The following ANK3 variants were observed in gnomAD, a reference collection of about 807,000 sequenced individuals.
The protein encoded by ANK3 is ankyrin-3.
In ANK3, 57 loss-of-function variants were observed where a neutral mutation model predicts 370.9. The observed-to-expected ratio is 0.15, with a 90% confidence interval of 0.12 to 0.19. The LOEUF is 0.19. Among genes scored for constraint, ANK3 ranks in the 10% least tolerant of loss-of-function variants. The pLI is 1.00. For synonymous variants in ANK3, 1,929 were observed against 1,946.3 expected (o/e 0.99, Z 0.23); for missense variants, 4,439 against 5,302.1 (o/e 0.84, Z 5.06).
intron 8 of ANK3, among the ~76,000 whole-genome samples, chr10:60,230,175 T>C (rs1261549393): frequency 6.6e-6 from 1 of 152,196 alleles, no homozygotes; most frequent in Non-Finnish European, 1.5e-5. Context: ...AGTCTCTGAT[T>C]GGTCTGTGAA....
At chr10:60,182,702 G>C (rs1023193309) in intron 17 of ANK3, among the ~76,000 whole-genome samples, 3 of 152,116 alleles carry the variant, frequency 2.0e-5, no homozygotes, top group African/African-American at 7.2e-5. Context: ...TTTATTCAGG[G>C]GTTGCTATTC....
intron 2 of ANK3, among the ~76,000 whole-genome samples, chr10:60,395,209 C>T (rs896693687): frequency 7.2e-5 from 11 of 152,144 alleles, no homozygotes; most frequent in South Asian, 2.1e-4. Flanking sequence ...CAAATTGAGA[C>T]GTAAAATACA....
intron 23 of ANK3, among the ~76,000 whole-genome samples, chr10:60,154,532 G>A (rs1227212221): frequency 6.6e-6 from 1 of 152,094 alleles, no homozygotes; most frequent in African/African-American, 2.4e-5. Flanking sequence ...GGTGCCTCAC[G>A]CCTGTAATCC....
In ANK3 at chr10:60,730,646, C is replaced by T. The variant is rs116536148; in HGVS notation, c.57+2617G>A. ...AATAAAAAATTGCAATTAAATGGCCCTATTGTTCCAAGTACCTTAACATTA... is the reference window on the plus strand; with the variant it reads ...AATAAAAAATTGCAATTAAATGGCCTTATTGTTCCAAGTACCTTAACATTA... On this transcript the variant is annotated intron_variant, in intron 1 of 43. Transcript: ENST00000373827. 3.7e-3 allele frequency among the ~76,000 whole-genome samples: 567 copies of T among 152,236 alleles called. 2 individuals are homozygous for T. Among genetic ancestry groups the T allele is most frequent in the African/African-American group, 0.012 (513 of 41,534 alleles).
Position 60,405,342 on chromosome 10 carries a change from C to T in ANK3, c.97-125703G>A, listed in dbSNP as rs185496271. 4.0e-3 allele frequency among the ~76,000 whole-genome samples: 614 copies of T among 152,176 alleles called. 5 individuals carry two copies. The highest frequency in any genetic ancestry group is 0.014 in the Middle Eastern group (4 of 294). ...CAATTAATCTTAAAGAAGGAAAAAA[C>T]CCCTACTGTTACTGAGCATATTATG... On this transcript the variant is annotated intron_variant, in intron 2 of 43. Transcript: ENST00000373827.
At chr10:60,246,647 G>T (rs762685366) in intron 7 of ANK3, among the ~76,000 whole-genome samples, 11 of 152,214 alleles carry the variant, frequency 7.2e-5, no homozygotes, top group Non-Finnish European at 1.5e-4. Context: ...GGCTCTGAGT[G>T]TTGGGATCTG....
At chr10:60,091,887 T>C (rs1224515234) in intron 28 of ANK3, among the ~76,000 whole-genome samples, 3 of 152,108 alleles carry the variant, frequency 2.0e-5, no homozygotes, top group South Asian at 2.1e-4. Context: ...TGCGCCACCA[T>C]GCCCAGCTAA....
At chr10:60,187,764 A>C (rs148909776) in intron 16 of ANK3, among the ~76,000 whole-genome samples, 9 of 152,254 alleles carry the variant, frequency 5.9e-5, no homozygotes, top group Non-Finnish European at 1.2e-4. Flanking sequence ...CTCTTTTACA[A>C]AACCTGTCTT....
At chr10:60,198,768 T>G (rs750731712) in intron 13 of ANK3, among the ~76,000 whole-genome samples, 81 of 152,200 alleles carry the variant, frequency 5.3e-4, no homozygotes, top group Non-Finnish European at 7.8e-4. Context: ...AACCATGAAA[T>G]GCAGTTGTCT....
intron 2 of ANK3, among the ~76,000 whole-genome samples, chr10:60,443,962 C>T (rs894355194): frequency 6.6e-6 from 1 of 152,086 alleles, no homozygotes; most frequent in African/African-American, 2.4e-5. Context: ...TACCAAGGTA[C>T]CTTGGGCTCT....
chr10:60,495,188 T>A (rs1430551596), intron 2 of ANK3, among the ~76,000 whole-genome samples: 2 of 149,698 alleles, frequency 1.3e-5, no homozygotes, highest in African/African-American at 4.9e-5. Context: ...AAGAAGCTTT[T>A]CTAAAGTTTT....
intron 8 of ANK3, among the ~76,000 whole-genome samples, chr10:60,231,469 T>C (rs1023441609): frequency 6.6e-6 from 1 of 152,172 alleles, no homozygotes; most frequent in African/African-American, 2.4e-5. Flanking sequence ...GTTGCCACAA[T>C]AGTAAGTACT....
rs192114195 is a variant in ANK3 at position 60,250,535 on chromosome 10, T to G, written c.798+11324A>C. On this transcript the variant is annotated intron_variant, in intron 7 of 43. Transcript: ENST00000280772. ...GCCTGCCACCACGCCCAGCTAATTT[T>G]TTTGTATTTTTAGTAGAGACGGAGT... 3.9e-3 allele frequency among the ~76,000 whole-genome samples: 588 copies of G among 152,152 alleles called. 4 individuals carry two copies. Among genetic ancestry groups the G allele is most frequent in the Non-Finnish European group, 4.6e-3 (315 of 68,006 alleles).
intron 1 of ANK3, among the ~76,000 whole-genome samples, chr10:60,639,555 G>C (rs2078601332): frequency 6.6e-6 from 1 of 151,678 alleles, no homozygotes; most frequent in Non-Finnish European, 1.5e-5. Context: ...AGTAAAATAT[G>C]TAATAACCTC....
In ANK3 at chr10:60,072,594, C is replaced by A; in HGVS notation, c.8287G>T (p.Ala2763Ser). 1 of 1,613,606 alleles carries A rather than the reference C, an allele frequency of 6.2e-7. No homozygotes were observed. The highest frequency in any genetic ancestry group is 8.5e-7 in the Non-Finnish European group (1 of 1,179,854). ...ESKLPVYQVF[A>S]REKQQKAIDL... ...ATGGCCTTCTGCTGTTTTTCTCTAG[C>A]AAAAACTTGGTAGACGGGTAGCTTG... Residue 2763 changes from alanine (A) to serine (S), a missense_variant, in exon 37 of 44, where the codon GCT becomes TCT. Physicochemically the swap from Ala to Ser is moderately conservative, Grantham distance 99. Transcript: ENST00000280772.
rs138136226 is a variant in ANK3, at chr10:60,623,079, G to A, written c.58-7855C>T. On this transcript the variant is annotated intron_variant, in intron 1 of 43. Coordinates refer to the ANK3 transcript ENST00000373827. The stretch of plus-strand genomic sequence containing the variant: ...CCACCATTTTAAGGAGTCTGTACTT[G>A]TGACAGTAAACATGTATTGGGTCTT... Among the ~76,000 whole-genome samples the A allele has an allele frequency of 2.4e-3, 364 of 152,278 alleles. 7 individuals carry two copies. Among genetic ancestry groups the A allele is most frequent in the Admixed American group, 0.019 (298 of 15,294 alleles).
At chr10:60,493,138 GGGCACTGGGAAA>G (rs1303451652) in intron 2 of ANK3, among the ~76,000 whole-genome samples, 2 of 151,612 alleles carry the variant, frequency 1.3e-5, no homozygotes, top group African/African-American at 4.8e-5. Context: ...TCAAAGATGA[GGGCACTGGGAAA>G]GGCACGACTC....
intron 23 of ANK3, among the ~76,000 whole-genome samples, chr10:60,166,040 A>G (rs1471897993): frequency 6.6e-6 from 1 of 152,196 alleles, no homozygotes; most frequent in African/African-American, 2.4e-5. Context: ...AAAACACATA[A>G]AGTATAGCTA....
Position 60,570,519 on chromosome 10 carries a change from TG to T in ANK3, c.96+44666del, listed in dbSNP as rs1036670513. On this transcript the variant is annotated intron_variant, in intron 2 of 43. Transcript: ENST00000373827. Reference sequence around the variant, plus strand: ...CAGAAGAATGATTTAATTCAGGGACTGGTAAAAACCCTGGTCTGGATAGAGT... The same window carrying T: ...CAGAAGAATGATTTAATTCAGGGACTGTAAAAACCCTGGTCTGGATAGAGT... Among the ~76,000 whole-genome samples, 53 of 152,236 alleles carry T rather than the reference TG, an allele frequency of 3.5e-4. 1 individual carries two copies. The South Asian group carries it at 3.5e-3, about 10-fold the overall frequency.
Sources: allele counts gnomAD v4.1 joint callset (sites outside exome capture counted in the v4.1 genomes callset), GRCh38; gene constraint gnomAD v4.1.1; transcripts MANE v1.5; gene names NCBI Gene and HGNC (gene_info 2026-07-23, HGNC 2026-07-21).